Variants in PCDHA8 observed in about 807,000 individuals in gnomAD.
PCDHA8 encodes the protein protocadherin alpha 8.
PCDHA8 carries 53 observed loss-of-function variants against 61.8 expected under a neutral mutation model. That is an observed-to-expected ratio of 0.86 (90% CI 0.69 to 1.08). PCDHA8 has a LOEUF of 1.08. Ranked by LOEUF, PCDHA8 falls within the 50% of genes least tolerant of loss-of-function variation. The pLI is 0.00. For missense variants in PCDHA8, 1,293 were observed against 1,245.0 expected (o/e 1.04, Z -0.58); for synonymous variants, 618 against 556.6 (o/e 1.11, Z -1.55).
chr5:140,964,894 T>C (rs754817292), intron 1 of PCDHA8, among the ~76,000 whole-genome samples: 8 of 152,210 alleles, frequency 5.3e-5, no homozygotes, highest in Non-Finnish European at 1.2e-4. Flanking sequence ...GATAGGAGGC[T>C]GGGCGCTTCT....
At chr5:140,944,818 T>G (rs1490682721) in intron 1 of PCDHA8, among the ~76,000 whole-genome samples, 1 of 152,236 alleles carries the variant, frequency 6.6e-6, no homozygotes, top group East Asian at 1.9e-4. Context: ...CAGTGATCTT[T>G]GCCCCATAAT....
intron 2 of PCDHA8, among the ~76,000 whole-genome samples, chr5:140,981,605 C>CT (rs1444386694): frequency 1.1e-4 from 17 of 152,174 alleles, no homozygotes; most frequent in African/African-American, 2.9e-4. Context: ...AAATGTTCCT[C>CT]TAATTTTGAT....
intron 3 of PCDHA8, among the ~76,000 whole-genome samples, chr5:140,988,690 C>T (rs1286168942): frequency 2.6e-5 from 4 of 152,148 alleles, no homozygotes; most frequent in South Asian, 2.1e-4. Flanking sequence ...TTTCCCTAGA[C>T]GCTCTGTATT....
In PCDHA8 at chr5:141,005,701, CAAAAAAAA is replaced by C. The variant is rs59860837; in HGVS notation, c.2543-3903_2543-3896del. Among the ~76,000 whole-genome samples, 45 of 7,788 alleles carry C rather than the reference CAAAAAAAA, an allele frequency of 5.8e-3. No individual in the cohort carries two copies. In the East Asian group the frequency reaches 0.064, roughly 11 times the overall value. 5.1% of individuals were successfully genotyped at this position (7,788 alleles called of 152,430 possible). A position where few individuals can be genotyped will look rare whatever the true frequency, so the allele number is the denominator to read the frequency against. On this transcript the variant is annotated intron_variant, in intron 3 of 3. Coordinates refer to ENST00000531613, the MANE Select transcript of PCDHA8 (RefSeq NM_018911.3). ...TGGGCGACAGAGCGAAACTCCGTCT[CAAAAAAAA>C]AAAAAAAAAAAAAAAAAAAAAAGAA...
chr5:141,009,948 T>C lies in PCDHA8; in HGVS notation c.*11T>C, dbSNP rs201131092. 1 of 1,595,948 alleles carries C rather than the reference T, an allele frequency of 6.3e-7. No individual in the cohort carries two copies. The highest frequency in any genetic ancestry group is 1.4e-5 in the African/African-American group (1 of 73,610). On this transcript the variant is annotated 3_prime_UTR_variant, in exon 4 of 4. Coordinates refer to ENST00000531613, the MANE Select transcript of PCDHA8 (RefSeq NM_018911.3). ...AACAGTGACCAGTGAGGTCCTCAAA[T>C]GGAAACAAGCCACTTAGCCAGTTTT...
chr5:140,871,656 A>C, intron 1 of PCDHA8: 1 of 1,231,284 alleles, frequency 8.1e-7, no homozygotes, highest in Non-Finnish European at 1.1e-6. Flanking sequence ...AATGATACAC[A>C]TCTTCAGTCT....
At chr5:140,883,333 G>T (rs1554177722) in intron 1 of PCDHA8, 1 of 1,614,066 alleles carries the variant, frequency 6.2e-7, no homozygotes, top group Non-Finnish European at 8.5e-7. Flanking sequence ...TCACTTCTTT[G>T]TCACTCCCCA....
At chr5:140,929,281 C>A in intron 1 of PCDHA8, 1 of 1,602,592 alleles carries the variant, frequency 6.2e-7, no homozygotes, top group Non-Finnish European at 8.5e-7. Context: ...ATCCTGTATT[C>A]AGATTCGGAA....
At chr5:140,944,907 T>A (rs246063) in intron 1 of PCDHA8, among the ~76,000 whole-genome samples, 85,748 of 151,952 alleles carry the variant, frequency 0.56, 24,800 homozygotes, top group African/African-American at 0.69. Flanking sequence ...TTCCACAAAC[T>A]TCTCTTTATA....
chr5:140,975,707 A>G (rs1445809800), intron 1 of PCDHA8, among the ~76,000 whole-genome samples: 1 of 152,204 alleles, frequency 6.6e-6, no homozygotes, highest in East Asian at 1.9e-4. Context: ...ATTTTACTTT[A>G]AATCTTAGAA....
chr5:140,935,566 T>A (rs2090441028), intron 1 of PCDHA8, among the ~76,000 whole-genome samples: 1 of 152,246 alleles, frequency 6.6e-6, no homozygotes, highest in Non-Finnish European at 1.5e-5. Context: ...AAAGTTCCTC[T>A]CTGTGTAGTT....
chr5:140,870,447 C>T (rs1554164277), intron 1 of PCDHA8: 15 of 1,614,216 alleles, frequency 9.3e-6, no homozygotes, highest in Non-Finnish European at 9.3e-6. Flanking sequence ...CCGACGTGAA[C>T]GACAATGCGC....
At position 140,966,988 on chromosome 5, in the gene PCDHA8, G is replaced by C. The variant is rs782004679; in HGVS notation, c.2395-11961G>C. 1.2e-5 allele frequency: 20 copies of C among 1,603,962 alleles called. No homozygotes were observed. The African/African-American group carries it at 2.1e-4, about 17-fold the overall frequency. Reference sequence around the variant, plus strand: ...GGCTTGAGCTGCGGCGCTTGGGGCCGGGTTGCTTGCGCATCAACCATCTGG... The same window carrying C: ...GGCTTGAGCTGCGGCGCTTGGGGCCCGGTTGCTTGCGCATCAACCATCTGG... On this transcript the variant is annotated intron_variant, in intron 1 of 3. Transcript: ENST00000531613.
chr5:140,896,536 CTT>C (rs34213614), intron 1 of PCDHA8, among the ~76,000 whole-genome samples: 1 of 145,640 alleles, frequency 6.9e-6, no homozygotes. Flanking sequence ...AGCTATTTTT[CTT>C]TTTTTTTTTT....
chr5:140,964,847 C>T (rs2095858231), intron 1 of PCDHA8, among the ~76,000 whole-genome samples: 1 of 152,124 alleles, frequency 6.6e-6, no homozygotes, highest in African/African-American at 2.4e-5. Flanking sequence ...ACTCTGTACC[C>T]TTGAGGAAAC....
chr5:140,884,410 G>T, intron 1 of PCDHA8: 1 of 1,614,008 alleles, frequency 6.2e-7, no homozygotes, highest in South Asian at 1.1e-5. Context: ...TGGTGCTCAC[G>T]TTGCTGCTGT....
chr5:140,892,054 T>G (rs1409591142), intron 1 of PCDHA8, among the ~76,000 whole-genome samples: 4 of 152,244 alleles, frequency 2.6e-5, no homozygotes, highest in African/African-American at 7.2e-5. Flanking sequence ...TTTTTCAAAT[T>G]TATTGTTACT....
At chr5:140,875,372 T>C in intron 1 of PCDHA8, 5 of 1,451,920 alleles carry the variant, frequency 3.4e-6, no homozygotes, top group Non-Finnish European at 4.5e-6. Flanking sequence ...AAAAATTTAC[T>C]AAATATGTAC....
At chr5:140,893,273 A>G (rs1381847994) in intron 1 of PCDHA8, among the ~76,000 whole-genome samples, 1 of 152,150 alleles carries the variant, frequency 6.6e-6, no homozygotes, top group Non-Finnish European at 1.5e-5. Context: ...CAATAGTGGA[A>G]TTGCTGGATG....
Sources: gnomAD v4.1 joint callset for allele counts (sites outside exome capture counted in the v4.1 genomes callset) on GRCh38, gnomAD v4.1.1 for gene constraint, MANE v1.5 for transcripts, NCBI Gene and HGNC (gene_info 2026-07-23, HGNC 2026-07-21) for gene names.